CA7: variants seen among roughly 807,000 people sequenced by gnomAD.
CA7 encodes the protein carbonate dehydratase VII.
A neutral mutation model predicts 31.4 loss-of-function variants in CA7; 13 were observed. That is an observed-to-expected ratio of 0.41 (90% CI 0.27 to 0.66). The LOEUF (loss-of-function observed/expected upper bound fraction) is 0.66. Among genes scored for constraint, CA7 ranks in the 30% least tolerant of loss-of-function variants. CA7 has a pLI of 0.28. For synonymous variants in CA7, 128 were observed against 133.2 expected, an observed-to-expected ratio of 0.96 and a Z score of 0.27; for missense variants, 215 against 351.0, an observed-to-expected ratio of 0.61 and a Z score of 3.10.
chr16:66,852,602 GAAAAGAA>G (rs56321303), intron 5 of CA7, 103 bp from the exon 6 acceptor site: 200,826 of 593,266 alleles, frequency 0.34, 34,983 homozygotes, highest in East Asian at 0.58. Flanking sequence ...AAAAAGAAAA[GAAAAGAA>G]AAAAGAAAAG....
chr16:66,848,546 T>C (rs1012159944), intron 2 of CA7, among the ~76,000 whole-genome samples: 48 of 151,918 alleles, frequency 3.2e-4, no homozygotes, highest in Admixed American at 5.9e-4. Flanking sequence ...TGGGGCTCCC[T>C]CCCCCACCCA....
At chr16:66,847,356 C>T (rs909606990) in intron 2 of CA7, 129 bp downstream of exon 2, 19 of 764,822 alleles carry the variant, frequency 2.5e-5, no homozygotes, top group Non-Finnish European at 3.3e-5. Flanking sequence ...GCTGTGAAGC[C>T]TTGGGCTGAT....
Position 66,851,556 on chromosome 16 carries a change from G to C in CA7, c.451G>C (p.Glu151Gln), listed in dbSNP as rs1961052045. ...CCTGGCTGTGGTTGGTGTTTTTTTG[G>C]AGGTGAGTGGTGGTTTGCTGGGGCC... ...DGLAVVGVFL[E>Q]TGDEHPSMNR... The change falls in exon 4 of 7, where the codon GAG (glutamate) becomes CAG (glutamine). Residue 151 changes from glutamate (E) to glutamine (Q), a missense_variant and splice_region_variant. Physicochemically the swap from Glu to Gln is conservative, Grantham distance 29. Transcript: ENST00000338437. 6.2e-7 allele frequency: 1 copy of C among 1,613,800 alleles called. No individual in the cohort carries two copies. The highest frequency in any genetic ancestry group is 1.1e-5 in the South Asian group (1 of 91,068).
At chr16:66,850,024 G>T (rs1567506279) in intron 2 of CA7, among the ~76,000 whole-genome samples, 2 of 150,950 alleles carry the variant, frequency 1.3e-5, no homozygotes, top group South Asian at 4.2e-4. Context: ...GGAGGCTGAG[G>T]CAGGAGAAAT....
intron 1 of CA7, among the ~76,000 whole-genome samples, chr16:66,846,543 G>A (rs994046033): frequency 1.3e-5 from 2 of 152,180 alleles, no homozygotes; most frequent in African/African-American, 4.8e-5. Context: ...GGATCTTGCT[G>A]GTTTCTATTT....
At chr16:66,852,505 A>G (rs1291074606) in intron 5 of CA7, among the ~76,000 whole-genome samples, 4 of 146,196 alleles carry the variant, frequency 2.7e-5, no homozygotes, top group African/African-American at 1.0e-4. Context: ...AGAGAGAGAG[A>G]GGGGAAGGAA....
chr16:66,848,196 A>G (rs1960967497), intron 2 of CA7, among the ~76,000 whole-genome samples: 1 of 152,228 alleles, frequency 6.6e-6, no homozygotes, highest in Admixed American at 6.5e-5. Flanking sequence ...CTGGTAGGCT[A>G]GGAAAAAACA....
intron 2 of CA7, among the ~76,000 whole-genome samples, chr16:66,849,641 T>A (rs1003134751): frequency 2.6e-5 from 4 of 152,154 alleles, no homozygotes; most frequent in African/African-American, 9.7e-5. Flanking sequence ...CTGTCAGTGA[T>A]AATGGGGGTC....
At chr16:66,845,514 T>C (rs937438690) in intron 1 of CA7, among the ~76,000 whole-genome samples, 1 of 151,384 alleles carries the variant, frequency 6.6e-6, no homozygotes, top group South Asian at 2.1e-4. Flanking sequence ...TGCTGTGGAG[T>C]CTTTGGCTCC....
chr16:66,845,012 G>C (rs1415628912), intron 1 of CA7: 1 of 987,518 alleles, frequency 1.0e-6, no homozygotes, highest in Non-Finnish European at 1.2e-6. Context: ...TTTCCCCGCA[G>C]AAGTGGCCGA....
chr16:66,848,040 T>C (rs1342823141), intron 2 of CA7, among the ~76,000 whole-genome samples: 1 of 152,042 alleles, frequency 6.6e-6, no homozygotes, highest in Non-Finnish European at 1.5e-5. Flanking sequence ...TAATAACTGG[T>C]TCCTTCCTCC....
At position 66,853,762 on chromosome 16, in the gene CA7, G is replaced by C. The variant is rs1174214725; in HGVS notation, c.*264G>C. ...CTGCTCTCCAAGACCCAAAGACCCT[G>C]GGAACCTCCTCTGGTCTTCCCCACT... On this transcript the variant is annotated 3_prime_UTR_variant, in exon 7 of 7. Coordinates refer to ENST00000338437, the MANE Select transcript of CA7 (RefSeq NM_005182.3). The surrounding 1 kb of genome is among the most constrained non-coding windows in gnomAD (Gnocchi z 4.5). The C allele has an allele frequency of 2.2e-5, 10 of 454,974 alleles. No homozygotes were observed. Among genetic ancestry groups the C allele is most frequent in the Non-Finnish European group, 4.0e-5 (10 of 251,236 alleles). 28.2% of individuals were successfully genotyped at this position (454,974 alleles called of 1,614,324 possible). A position where few individuals can be genotyped will look rare whatever the true frequency, so the allele number is the denominator to read the frequency against.
At position 66,853,634 on chromosome 16, in the gene CA7, C is replaced by A. The variant is rs1275779837; in HGVS notation, c.*136C>A. 4.2e-6 allele frequency: 5 copies of A among 1,186,788 alleles called. No individual in the cohort carries two copies. Among genetic ancestry groups the A allele is most frequent in the African/African-American group, 3.1e-5 (2 of 65,388 alleles). 73.5% of individuals were successfully genotyped at this position (1,186,788 alleles called of 1,614,324 possible). On this transcript the variant is annotated 3_prime_UTR_variant, in exon 7 of 7. Coordinates refer to ENST00000338437, the MANE Select transcript of CA7 (RefSeq NM_005182.3). The surrounding 1 kb of genome is among the most constrained non-coding windows in gnomAD (Gnocchi z 4.5). The stretch of plus-strand genomic sequence containing the variant: ...CTTCAGCCAGTTTGCTCCTTGGTCA[C>A]CCTGGAGGCTTCTGGATGGGACCCT...
intron 5 of CA7, 126 bp from the exon 6 acceptor site, chr16:66,852,583 AAAG>A (rs1961083909): frequency 1.5e-5 from 7 of 474,288 alleles, no homozygotes; most frequent in Non-Finnish European, 1.5e-5. Context: ...AAAGAAAAGA[AAAG>A]AAAAAAAAAA....
chr16:66,844,643 G>T, intron 1 of CA7, 116 bp downstream of exon 1: 1 of 874,948 alleles, frequency 1.1e-6, no homozygotes, highest in Admixed American at 2.8e-5. Context: ...CTCCAGGCTG[G>T]GCGGGACCCC....
chr16:66,850,717 G>A (rs1049139059), intron 3 of CA7, 58 bp downstream of exon 3: 2 of 1,265,048 alleles, frequency 1.6e-6, no homozygotes, highest in African/African-American at 2.9e-5. Context: ...GCAGGCCTGG[G>A]TAGTCAGGGG....
intron 2 of CA7, among the ~76,000 whole-genome samples, chr16:66,848,895 G>A (rs1960980737): frequency 6.6e-6 from 1 of 152,152 alleles, no homozygotes; most frequent in South Asian, 2.1e-4. Context: ...CCAGGGATGG[G>A]GCAGCCTGAT....
chr16:66,850,746 C>A, intron 3 of CA7, 87 bp downstream of exon 3: 1 of 1,008,440 alleles, frequency 9.9e-7, no homozygotes, highest in South Asian at 1.3e-5. Flanking sequence ...TGCCTGGGGT[C>A]GGGCCTTGGA....
intron 5 of CA7, 69 bp from the exon 6 acceptor site, chr16:66,852,642 TG>T: frequency 1.8e-6 from 2 of 1,083,944 alleles, no homozygotes; most frequent in Non-Finnish European, 2.5e-6. Context: ...AAGAGATGGG[TG>T]GAGAAGTTGC....
Sources: gnomAD v4.1 joint callset for allele counts (sites outside exome capture counted in the v4.1 genomes callset) on GRCh38, gnomAD v4.1.1 for gene constraint, Gnocchi (gnomAD v3.1) non-coding constraint, MANE v1.5 for transcripts, NCBI Gene and HGNC (gene_info 2026-07-23, HGNC 2026-07-21) for gene names.